The following SLC26A8 variants were observed in gnomAD, a reference collection of about 807,000 sequenced individuals.
SLC26A8 encodes solute carrier family 26 member 8.
In SLC26A8, 70 loss-of-function variants were observed where a neutral mutation model predicts 105.0. The observed-to-expected ratio is 0.67, with a 90% CI of 0.55 to 0.81. The LOEUF (loss-of-function observed/expected upper bound fraction) is 0.81, where lower values mean the gene tolerates loss of function less well. Among genes scored for constraint, SLC26A8 ranks in the 40% least tolerant of loss-of-function variants. The pLI, the probability that SLC26A8 is intolerant of heterozygous loss-of-function variation, is 0.00. For missense variants in SLC26A8, 998 were observed against 1,181.8 expected, an observed-to-expected ratio of 0.84 and a Z score of 2.28; for synonymous variants, 415 against 438.3, an observed-to-expected ratio of 0.95 and a Z score of 0.66.
intron 3 of SLC26A8, among the ~76,000 whole-genome samples, chr6:36,008,539 G>A (rs918479121): frequency 3.9e-5 from 6 of 152,226 alleles, no homozygotes; most frequent in African/African-American, 1.4e-4. Context: ...CTAAAAACGA[G>A]CCTATCAAAA....
In SLC26A8 at chr6:36,024,554, C is replaced by G. The variant is rs949539928; in HGVS notation, c.-53G>C. On this transcript the variant is annotated 5_prime_UTR_variant, in exon 1 of 20. Coordinates refer to ENST00000490799, the MANE Select transcript of SLC26A8 (RefSeq NM_052961.4). ...GCGGGCGCTGGGATCCCACACGGCT[C>G]TCGCCTGGCTGGCGGCGCTGCGGAC... 1.5e-5 allele frequency: 6 copies of G among 392,532 alleles called. No homozygotes were observed. Among genetic ancestry groups the G allele is most frequent in the African/African-American group, 1.3e-4 (6 of 47,454 alleles). The allele number at this position is 392,532 out of a possible 1,614,324, so 24.3% of individuals were successfully genotyped here.
chr6:36,015,501 CA>C (rs535793029), intron 2 of SLC26A8, among the ~76,000 whole-genome samples: 6 of 152,110 alleles, frequency 3.9e-5, no homozygotes, highest in Non-Finnish European at 8.8e-5. Flanking sequence ...TAGGGAGTAA[CA>C]GTTGCTAGAA....
At position 35,968,609 on chromosome 6, in the gene SLC26A8, G is replaced by GTATATA. The variant is rs55987809; in HGVS notation, c.1365+262_1365+267dup. Among the ~76,000 whole-genome samples the GTATATA allele has an allele frequency of 2.2e-3, 130 of 59,986 alleles. 2 individuals carry two copies. The highest frequency in any genetic ancestry group is 6.5e-3 in the East Asian group (9 of 1,384). The allele number at this position is 59,986 out of a possible 152,430, so 39.4% of individuals were successfully genotyped here. The stretch of plus-strand genomic sequence containing the variant: ...TGTGTATGTGTGTGTGTGTGTGTGT[G>GTATATA]TATATATATATATATATATATATAT... On this transcript the variant is annotated intron_variant, in intron 11 of 19. Coordinates refer to ENST00000490799, the MANE Select transcript of SLC26A8 (RefSeq NM_052961.4).
In SLC26A8 at chr6:35,968,971, A is replaced by G. The variant is rs201115427; in HGVS notation, c.1288-17T>C. On this transcript the variant is annotated splice_polypyrimidine_tract_variant and intron_variant, in intron 10 of 19. Transcript: ENST00000490799. ...AGATGCAAACTGAGGAGACAGAGCC[A>G]GTTGGAGAGAAACCATCAGGAACGT... 6.2e-7 allele frequency: 1 copy of G among 1,609,834 alleles called. No homozygotes were observed. The highest frequency in any genetic ancestry group is 1.1e-5 in the South Asian group (1 of 90,356).
intron 4 of SLC26A8, among the ~76,000 whole-genome samples, 170 bp downstream of exon 4, chr6:35,999,822 C>A (rs1374982950): frequency 6.6e-6 from 1 of 152,164 alleles, no homozygotes; most frequent in Non-Finnish European, 1.5e-5. Flanking sequence ...AATAATGATA[C>A]ACTAGAAGTA....
At chr6:35,948,104 A>T (rs532301592) in intron 19 of SLC26A8, among the ~76,000 whole-genome samples, 36 of 152,316 alleles carry the variant, frequency 2.4e-4, no homozygotes, top group Middle Eastern at 3.4e-3. Context: ...GGGATTTTAT[A>T]TTTTTAATAC....
At chr6:35,977,460 A>G in intron 8 of SLC26A8, 109 bp from the exon 9 acceptor site, 1 of 1,137,528 alleles carries the variant, frequency 8.8e-7, no homozygotes, top group African/African-American at 1.6e-5. Context: ...TTTTTTTTTA[A>G]TAACAATAGG....
chr6:36,009,668 T>A (rs1761794981), intron 3 of SLC26A8, among the ~76,000 whole-genome samples: 1 of 152,192 alleles, frequency 6.6e-6, no homozygotes, highest in Admixed American at 6.5e-5. Flanking sequence ...AAGAACATAT[T>A]AATGATTGCT....
chr6:36,013,743 T>C (rs1320669931), intron 2 of SLC26A8, among the ~76,000 whole-genome samples: 1 of 152,230 alleles, frequency 6.6e-6, no homozygotes, highest in Non-Finnish European at 1.5e-5. Context: ...AGATTTTTCA[T>C]GTGTAAACTG....
intron 1 of SLC26A8, among the ~76,000 whole-genome samples, chr6:36,023,546 C>CAAAAAAAAAAAAA (rs59633591): frequency 1.6e-5 from 1 of 63,520 alleles, no homozygotes; most frequent in Non-Finnish European, 3.2e-5. Flanking sequence ...GACTCTGTCT[C>CAAAAAAAAAAAAA]AAAAAAAAAA....
intron 10 of SLC26A8, among the ~76,000 whole-genome samples, chr6:35,970,576 G>A (rs2127313875): frequency 6.6e-6 from 1 of 152,324 alleles, no homozygotes; most frequent in Non-Finnish European, 1.5e-5. Context: ...TCTGGCTCTA[G>A]CTTCAGTTGG....
At chr6:35,995,563 C>T (rs773150763) in intron 5 of SLC26A8, among the ~76,000 whole-genome samples, 6 of 152,168 alleles carry the variant, frequency 3.9e-5, no homozygotes, top group Non-Finnish European at 2.9e-5. Context: ...AGTTTGGTGT[C>T]TTAGCTATGT....
intron 7 of SLC26A8, among the ~76,000 whole-genome samples, chr6:35,988,841 GT>G (rs56822307): frequency 0.26 from 32,703 of 127,952 alleles, 3,269 homozygotes; most frequent in East Asian, 0.54. Flanking sequence ...GTTCTATACG[GT>G]TTTTTTTTTT....
chr6:35,955,248 G>A lies in SLC26A8; in HGVS notation c.2136C>T (p.Tyr712=). The stretch of plus-strand genomic sequence containing the variant: ...CACTGGGCAGTAGAGACGCATCTGA[G>A]TAAGGGATGAGTGATCTCCTCCCCT... ...ESQGRRSLIP[Y]SDASLLPSVH... Residue 712 remains tyrosine, a synonymous_variant, in exon 17 of 20, where the codon TAC becomes TAT. Coordinates refer to ENST00000490799, the MANE Select transcript of SLC26A8 (RefSeq NM_052961.4). 1 of 1,614,218 alleles carries A rather than the reference G, an allele frequency of 6.2e-7. No homozygotes were observed. The highest frequency in any genetic ancestry group is 8.5e-7 in the Non-Finnish European group (1 of 1,180,036).
intron 3 of SLC26A8, among the ~76,000 whole-genome samples, chr6:36,006,398 G>A (rs1441834999): frequency 2.0e-5 from 3 of 152,214 alleles, no homozygotes; most frequent in Non-Finnish European, 4.4e-5. Flanking sequence ...GGGATTACAG[G>A]TGTGAGCTAC....
At chr6:35,997,656 C>A in intron 5 of SLC26A8, 82 bp downstream of exon 5, 1 of 1,338,244 alleles carries the variant, frequency 7.5e-7, no homozygotes, top group Non-Finnish European at 1.0e-6. Flanking sequence ...CACAGTGGAT[C>A]ACAGGAGCAG....
intron 7 of SLC26A8, chr6:35,990,194 C>T (rs1409780154): frequency 6.2e-6 from 1 of 161,650 alleles, no homozygotes; most frequent in Non-Finnish European, 1.3e-5. Flanking sequence ...GCCTTGGCCT[C>T]CTAAAGTGCT....
In SLC26A8 at chr6:35,962,580, G is replaced by A; in HGVS notation, c.1407C>T (p.Tyr469=). 1 of 1,614,166 alleles carries A rather than the reference G, an allele frequency of 6.2e-7. No homozygotes were observed. Among genetic ancestry groups the A allele is most frequent in the Non-Finnish European group, 8.5e-7 (1 of 1,180,040 alleles). Residue 469 remains tyrosine (Y), a synonymous_variant, in exon 12 of 20, where the codon TAC becomes TAT. Transcript: ENST00000490799. ...AGIILSNVIP[Y]LETISNLPSL... ...TGGGTAGGTTAGAAATGGTTTCAAG[G>A]TAGGGAATGACGTTGCTCAGAATAA... is the stretch of plus-strand genomic sequence containing the variant.
chr6:35,966,002 A>C (rs1433720972), intron 11 of SLC26A8, among the ~76,000 whole-genome samples: 1 of 63,744 alleles, frequency 1.6e-5, no homozygotes, highest in Admixed American at 1.4e-4. Flanking sequence ...CTCTCATCTC[A>C]AAAAAAAAAA....
Sources: allele counts gnomAD v4.1 joint callset (sites outside exome capture counted in the v4.1 genomes callset), GRCh38; gene constraint gnomAD v4.1.1; transcripts MANE v1.5; gene names NCBI Gene and HGNC (gene_info 2026-07-23, HGNC 2026-07-21).